The following UBAP2 variants were observed in gnomAD, a reference collection of about 807,000 sequenced individuals.
UBAP2 encodes the protein ubiquitin associated protein 2.
In UBAP2, 75 loss-of-function variants were observed where a neutral mutation model predicts 139.6. The ratio of observed to expected loss-of-function variants is 0.54; its 90% CI spans 0.45 to 0.65. The LOEUF (loss-of-function observed/expected upper bound fraction) is 0.65. Among genes scored for constraint, UBAP2 ranks in the 30% least tolerant of loss-of-function variants. The pLI is 0.00. For synonymous variants in UBAP2, 526 were observed against 526.2 expected, an observed-to-expected ratio of 1.00 and a Z score of 0.01; for missense variants, 1,368 against 1,369.6, an observed-to-expected ratio of 1.00 and a Z score of 0.02.
chr9:33,938,605 T>TG (rs1251844150), intron 16 of UBAP2, among the ~76,000 whole-genome samples: 1 of 152,082 alleles, frequency 6.6e-6, no homozygotes, highest in Non-Finnish European at 1.5e-5. Flanking sequence ...GAGACCAGCC[T>TG]GGGCAACATG....
chr9:33,995,945 G>A (rs1192944015), intron 4 of UBAP2: 1 of 294,052 alleles, frequency 3.4e-6, no homozygotes, highest in Non-Finnish European at 6.3e-6. Flanking sequence ...TTCAGGTGGG[G>A]GTGGTGAAAA....
chr9:34,007,741 C>T (rs1335244069), intron 2 of UBAP2, among the ~76,000 whole-genome samples: 1 of 151,516 alleles, frequency 6.6e-6, no homozygotes. Context: ...CCGATTCACG[C>T]CATTCTCCTG....
chr9:34,014,038 A>G (rs1824013175), intron 2 of UBAP2, among the ~76,000 whole-genome samples: 2 of 151,974 alleles, frequency 1.3e-5, no homozygotes, highest in African/African-American at 4.8e-5. Context: ...AAAAATTTAA[A>G]AGGGCCAGGT....
At chr9:34,034,349 C>T (rs1826141403) in intron 1 of UBAP2, among the ~76,000 whole-genome samples, 1 of 152,004 alleles carries the variant, frequency 6.6e-6, no homozygotes, top group Admixed American at 6.6e-5. Flanking sequence ...AAGTATATTG[C>T]TTTTATTTTA....
Position 33,922,444 on chromosome 9 carries a change from C to A in UBAP2, c.*60G>T. On this transcript the variant is annotated 3_prime_UTR_variant, in exon 29 of 29. Transcript: ENST00000379238. The stretch of plus-strand genomic sequence containing the variant: ...AGGGCACTGGGCTCCCAAATACGTG[C>A]TCGTGTGTTCTCTCCTGCCCAGGAT... The A allele has an allele frequency of 6.5e-7, 1 of 1,531,018 alleles. No individual in the cohort carries two copies. The highest frequency in any genetic ancestry group is 1.7e-4 in the Middle Eastern group (1 of 5,936). 94.8% of individuals were successfully genotyped at this position (1,531,018 alleles called of 1,614,324 possible).
rs540813915 is a variant in UBAP2 at position 33,948,862 on chromosome 9, G to C, written c.1057-275C>G. On this transcript the variant is annotated intron_variant, in intron 12 of 28. Coordinates refer to ENST00000379238, the MANE Select transcript of UBAP2 (RefSeq NM_001370062.2). ...TGAAGAAATCAATTTTTAAAAACGT[G>C]ATGTTGGCCGGGCGCGGTGGCTCAC... is the stretch of plus-strand genomic sequence containing the variant. 4.3e-5 allele frequency: 15 copies of C among 351,640 alleles called. No homozygotes were observed. The East Asian group carries it at 5.6e-4, about 13-fold the overall frequency. 21.8% of individuals were successfully genotyped at this position (351,640 alleles called of 1,614,324 possible).
In UBAP2 at chr9:33,953,428, C is replaced by T. The variant is rs749094225; in HGVS notation, c.913G>A (p.Ala305Thr). The T allele has an allele frequency of 1.8e-5, 29 of 1,614,022 alleles. No homozygotes were observed. In the African/African-American group the frequency reaches 3.3e-4, roughly 19 times the overall value. Residue 305 changes from alanine (A) to threonine (T), a missense_variant, in exon 12 of 29, where the codon GCC (alanine) becomes ACC (threonine). Ala to Thr is a moderately conservative substitution (Grantham distance 58). Transcript: ENST00000379238. The stretch of plus-strand genomic sequence containing the variant: ...GTTTCAAAGGAGTTGGCTTCTGAGG[C>T]TTGACTGTGAGGAACAGGCTTCTGG... ...LLQKPVPHSQ[A>T]SEANSFETSQ... is the part of the protein sequence containing the mutation.
intron 9 of UBAP2, among the ~76,000 whole-genome samples, chr9:33,962,237 T>G (rs1266743158): frequency 6.6e-6 from 1 of 152,214 alleles, no homozygotes; most frequent in African/African-American, 2.4e-5. Flanking sequence ...TTTTCTAATT[T>G]TTAAAATTGC....
At chr9:33,981,801 AGGAAGGGT>A in intron 6 of UBAP2, among the ~76,000 whole-genome samples, 1 of 120,042 alleles carries the variant, frequency 8.3e-6, no homozygotes, top group East Asian at 2.8e-4. Flanking sequence ...GAAGGAAGGA[AGGAAGGGT>A]GGAAGGGGGG....
chr9:33,949,500 A>C (rs1489156864), intron 12 of UBAP2, among the ~76,000 whole-genome samples: 1 of 152,046 alleles, frequency 6.6e-6, no homozygotes, highest in Non-Finnish European at 1.5e-5. Context: ...GTCAGGAGTT[A>C]GAGACCAGCC....
intron 19 of UBAP2, chr9:33,928,440 T>C (rs1278778322): frequency 6.4e-6 from 1 of 155,390 alleles, no homozygotes; most frequent in Non-Finnish European, 1.4e-5. Flanking sequence ...TAAGTCTCAA[T>C]CTTTTGGAGA....
At chr9:33,980,216 A>ATTTTT (rs1554686508) in intron 6 of UBAP2, among the ~76,000 whole-genome samples, 3 of 77,306 alleles carry the variant, frequency 3.9e-5, no homozygotes, top group Non-Finnish European at 8.0e-5. Context: ...CCTGAGTGTC[A>ATTTTT]TTTCTTTTTT....
At chr9:33,939,945 G>A (rs1327117069) in intron 16 of UBAP2, among the ~76,000 whole-genome samples, 19 of 99,314 alleles carry the variant, frequency 1.9e-4, no homozygotes, top group Non-Finnish European at 3.8e-4. Flanking sequence ...GAAGAAGAAA[G>A]AGGGAAGGAA....
At chr9:33,941,883 T>C (rs1462669354) in intron 15 of UBAP2, 21 bp from the exon 16 acceptor site, 5 of 1,570,008 alleles carry the variant, frequency 3.2e-6, no homozygotes, top group Non-Finnish European at 3.5e-6. Flanking sequence ...TCAAAAATAT[T>C]CAACATAATT....
intron 16 of UBAP2, among the ~76,000 whole-genome samples, chr9:33,939,754 G>C: frequency 1.3e-5 from 1 of 74,658 alleles, no homozygotes; most frequent in Non-Finnish European, 2.7e-5. Context: ...GAGAAGGGGG[G>C]GAGGGGGAGG....
chr9:33,978,778 T>TC (rs1448871688), intron 6 of UBAP2, among the ~76,000 whole-genome samples: 1 of 151,486 alleles, frequency 6.6e-6, no homozygotes, highest in Non-Finnish European at 1.5e-5. Flanking sequence ...AGACTACGTC[T>TC]CAAAAAAAAG....
Position 33,922,399 on chromosome 9 carries a change from C to T in UBAP2, c.*105G>A, listed in dbSNP as rs200858756. The T allele has an allele frequency of 1.8e-6, 2 of 1,110,370 alleles. No homozygotes were observed. Among genetic ancestry groups the T allele is most frequent in the Non-Finnish European group, 2.7e-6 (2 of 745,280 alleles). The allele number at this position is 1,110,370 out of a possible 1,614,324, so 68.8% of individuals were successfully genotyped here. A position where few individuals can be genotyped will look rare whatever the true frequency, so the allele number is the denominator to read the frequency against. On this transcript the variant is annotated 3_prime_UTR_variant, in exon 29 of 29. Transcript: ENST00000379238. ...ACTCCCCACAGAGGCATGGCTGACA[C>T]ATGTCGGGAATTCTAGGAAAGGGCA... is the stretch of plus-strand genomic sequence containing the variant.
At chr9:33,996,527 G>A (rs770358277) in intron 3 of UBAP2, 194 bp from the exon 4 acceptor site, 2 of 498,312 alleles carry the variant, frequency 4.0e-6, no homozygotes, top group Non-Finnish European at 7.1e-6. Context: ...CACTAACACT[G>A]GTAGAATCTA....
chr9:33,924,759 C>T (rs993593711), intron 22 of UBAP2, among the ~76,000 whole-genome samples: 4 of 152,190 alleles, frequency 2.6e-5, no homozygotes, highest in African/African-American at 9.7e-5. Context: ...CCAGGTGAAG[C>T]CCAGAACTGG....
Sources: gnomAD v4.1 joint callset for allele counts (sites outside exome capture counted in the v4.1 genomes callset) on GRCh38, gnomAD v4.1.1 for gene constraint, MANE v1.5 for transcripts, NCBI Gene and HGNC (gene_info 2026-07-23, HGNC 2026-07-21) for gene names.